Variants in SCG3 observed in about 807,000 individuals in gnomAD.
SCG3 encodes secretogranin-3.
A neutral mutation model predicts 56.2 loss-of-function variants in SCG3; 38 were observed. The ratio of observed to expected loss-of-function variants is 0.68; its 90% confidence interval spans 0.52 to 0.89. The LOEUF (loss-of-function observed/expected upper bound fraction) is 0.89. Ranked by LOEUF, SCG3 falls within the 40% of genes least tolerant of loss-of-function variation. The probability of loss-of-function intolerance (pLI) is 0.00; values close to 1 mark genes in which losing one functional copy is unlikely to be tolerated. For missense variants in SCG3, 524 were observed against 540.7 expected, an observed-to-expected ratio of 0.97 and a Z score of 0.31; for synonymous variants, 176 against 184.2, an observed-to-expected ratio of 0.96 and a Z score of 0.36.
chr15:51,699,526 C>A, intron 9 of SCG3, 124 bp downstream of exon 9: 1 of 720,228 alleles, frequency 1.4e-6, no homozygotes. Context: ...ATCTGAAACG[C>A]AGCCATAGGA....
intron 10 of SCG3, among the ~76,000 whole-genome samples, chr15:51,712,347 T>C (rs1405508863): frequency 2.0e-5 from 3 of 152,184 alleles, no homozygotes; most frequent in Admixed American, 2.0e-4. Flanking sequence ...TGAAAGCCTC[T>C]TTTTGTAAGC....
rs1160864276 is a variant in SCG3, at chr15:51,682,595, G to A, written c.135+26G>A. On this transcript the variant is annotated intron_variant, in intron 2 of 11. Transcript: ENST00000220478. Reference sequence around the variant, plus strand: ...GTAGGTCAAAAGTAACATTATGAATGCTATTTCATTTTGATTTAGTTATTA... The same window carrying A: ...GTAGGTCAAAAGTAACATTATGAATACTATTTCATTTTGATTTAGTTATTA... 3.2e-6 allele frequency: 4 copies of A among 1,253,198 alleles called. No individual in the cohort carries two copies. The South Asian group carries it at 5.8e-5, about 18-fold the overall frequency. 77.6% of individuals were successfully genotyped at this position (1,253,198 alleles called of 1,614,324 possible). A position where few individuals can be genotyped will look rare whatever the true frequency, so the allele number is the denominator to read the frequency against.
At chr15:51,683,540 T>C in intron 4 of SCG3, 106 bp downstream of exon 4, 1 of 698,696 alleles carries the variant, frequency 1.4e-6, no homozygotes, top group Non-Finnish European at 2.3e-6. Flanking sequence ...TAATCCTTTA[T>C]TAGTCAAGTC....
chr15:51,709,714 T>TTA (rs1567222379), intron 10 of SCG3, among the ~76,000 whole-genome samples: 6 of 49,152 alleles, frequency 1.2e-4, no homozygotes, highest in East Asian at 8.6e-4. Context: ...TTTTTTTTTT[T>TTA]TTTTTTTTTT....
intron 10 of SCG3, among the ~76,000 whole-genome samples, chr15:51,707,662 C>T (rs2055384819): frequency 1.3e-5 from 2 of 152,192 alleles, no homozygotes; most frequent in African/African-American, 4.8e-5. Context: ...TGGAGCTGGC[C>T]TTGAACCCAT....
chr15:51,685,647 C>G (rs1240568921), intron 4 of SCG3, among the ~76,000 whole-genome samples: 1 of 152,154 alleles, frequency 6.6e-6, no homozygotes, highest in Non-Finnish European at 1.5e-5. Context: ...TGAATAGAAC[C>G]TCAGATGCAT....
chr15:51,701,314 G>C, intron 10 of SCG3, 70 bp downstream of exon 10: 4 of 1,454,764 alleles, frequency 2.7e-6, no homozygotes, highest in South Asian at 1.4e-5. Context: ...ACAAGGGAGG[G>C]TGATCCAAAG....
chr15:51,709,780 G>C (rs1287088741), intron 10 of SCG3, among the ~76,000 whole-genome samples: 1 of 125,540 alleles, frequency 8.0e-6, no homozygotes, highest in East Asian at 2.4e-4. Flanking sequence ...GAGTGCAGTG[G>C]CGTGATCTCT....
chr15:51,712,605 T>A (rs1170715580), intron 10 of SCG3, among the ~76,000 whole-genome samples: 10 of 152,170 alleles, frequency 6.6e-5, no homozygotes. Flanking sequence ...GAGCCCCAGA[T>A]TCCTCATCTC....
At chr15:51,710,865 G>A (rs143960587) in intron 10 of SCG3, among the ~76,000 whole-genome samples, 1 of 150,588 alleles carries the variant, frequency 6.6e-6, no homozygotes, top group African/African-American at 2.4e-5. Context: ...CAAAGTGCTG[G>A]GATCACAGGT....
At chr15:51,700,534 C>A (rs1413878907) in intron 9 of SCG3, among the ~76,000 whole-genome samples, 5 of 152,184 alleles carry the variant, frequency 3.3e-5, no homozygotes, top group Non-Finnish European at 7.3e-5. Flanking sequence ...GTTCAAGTCT[C>A]TTCTTCGAAT....
At chr15:51,714,898 ATC>A (rs1468271012) in intron 11 of SCG3, among the ~76,000 whole-genome samples, 2 of 152,254 alleles carry the variant, frequency 1.3e-5, no homozygotes, top group Non-Finnish European at 2.9e-5. Context: ...ATTTCATCGA[ATC>A]TGTCATTGAT....
At chr15:51,696,785 G>A (rs767474950) in intron 8 of SCG3, among the ~76,000 whole-genome samples, 9 of 151,970 alleles carry the variant, frequency 5.9e-5, no homozygotes, top group Non-Finnish European at 1.2e-4. Context: ...ACTCACTATC[G>A]GAGGACAGCA....
chr15:51,698,483 T>C (rs2055318502), intron 8 of SCG3, among the ~76,000 whole-genome samples: 2 of 152,196 alleles, frequency 1.3e-5, no homozygotes, highest in African/African-American at 4.8e-5. Context: ...AAATGACCCC[T>C]AAGACTACCT....
At chr15:51,699,182 T>C (rs886511953) in intron 8 of SCG3, 137 bp from the exon 9 acceptor site, 2 of 659,990 alleles carry the variant, frequency 3.0e-6, no homozygotes, top group African/African-American at 3.8e-5. Flanking sequence ...AAAATCCAGG[T>C]CAAAACATCT....
At position 51,712,620 on chromosome 15, in the gene SCG3, T is replaced by A. The variant is rs539462686; in HGVS notation, c.1208-713T>A. Among the ~76,000 whole-genome samples the A allele has an allele frequency of 2.6e-5, 4 of 152,274 alleles. No homozygotes were observed. The East Asian group carries it at 5.8e-4, about 22-fold the overall frequency. On this transcript the variant is annotated intron_variant, in intron 10 of 11. Transcript: ENST00000220478. ...GAGCCCCAGATTCCTCATCTCTCAG[T>A]GGATGGTAATATCCGCTTGCAGACA...
In SCG3 at chr15:51,681,670, G is replaced by C; in HGVS notation, c.-86G>C. 1 of 877,664 alleles carries C rather than the reference G, an allele frequency of 1.1e-6. No individual in the cohort carries two copies. The highest frequency in any genetic ancestry group is 1.9e-6 in the Non-Finnish European group (1 of 535,066). 54.4% of individuals were successfully genotyped at this position (877,664 alleles called of 1,614,324 possible). ...CACACCCACCCTCCTGGCTCTTCCT[G>C]TTTTTACTCCTCCTTTTCATTCATA... is the stretch of plus-strand genomic sequence containing the variant. On this transcript the variant is annotated 5_prime_UTR_variant, in exon 1 of 12. Coordinates refer to ENST00000220478, the MANE Select transcript of SCG3 (RefSeq NM_013243.4).
intron 10 of SCG3, 60 bp from the exon 11 acceptor site, chr15:51,713,273 T>TTAAAATGAGATG (rs2055432100): frequency 3.4e-6 from 4 of 1,164,740 alleles, no homozygotes. Flanking sequence ...CGTGTGGTCT[T>TTAAAATGAGATG]TAAAATGAGA....
At chr15:51,696,331 C>T (rs377446169) in intron 8 of SCG3, among the ~76,000 whole-genome samples, 1 of 152,264 alleles carries the variant, frequency 6.6e-6, no homozygotes, top group East Asian at 1.9e-4. Flanking sequence ...AGGCAGATTG[C>T]CTGAGGCCAA....
Sources: gnomAD v4.1 joint callset for allele counts (sites outside exome capture counted in the v4.1 genomes callset) on GRCh38, gnomAD v4.1.1 for gene constraint, MANE v1.5 for transcripts, NCBI Gene and HGNC (gene_info 2026-07-23, HGNC 2026-07-21) for gene names.